Variants in SPACA7 observed in about 807,000 individuals in gnomAD.
SPACA7 encodes sperm acrosome-associated protein 7.
A neutral mutation model predicts 26.3 loss-of-function variants in SPACA7; 19 were observed. The ratio of observed to expected loss-of-function variants is 0.72; its 90% CI spans 0.50 to 1.06. The LOEUF (loss-of-function observed/expected upper bound fraction) is 1.06. Ranked by LOEUF, SPACA7 falls within the 50% of genes least tolerant of loss-of-function variation. The pLI is 0.00. For synonymous variants in SPACA7, 84 were observed against 84.5 expected, an observed-to-expected ratio of 0.99 and a Z score of 0.04; for missense variants, 211 against 229.9, an observed-to-expected ratio of 0.92 and a Z score of 0.53.
intron 5 of SPACA7, among the ~76,000 whole-genome samples, chr13:112,421,484 T>C (rs969256012): frequency 6.6e-6 from 1 of 152,054 alleles, no homozygotes; most frequent in Non-Finnish European, 1.5e-5. Flanking sequence ...GAAAAAGAAA[T>C]AAAGAACAGA....
chr13:112,432,083 C>T (rs1338642009), intron 5 of SPACA7, among the ~76,000 whole-genome samples: 2 of 152,208 alleles, frequency 1.3e-5, no homozygotes. Flanking sequence ...GTCAGATCCA[C>T]AGAAGGGAGC....
chr13:112,377,353 T>C (rs1254432699), intron 1 of SPACA7, among the ~76,000 whole-genome samples: 1 of 152,224 alleles, frequency 6.6e-6, no homozygotes, highest in African/African-American at 2.4e-5. Flanking sequence ...TGAAGACCTT[T>C]TAAAATCTAG....
chr13:112,383,907 A>T (rs373308606), intron 1 of SPACA7, among the ~76,000 whole-genome samples: 13 of 152,368 alleles, frequency 8.5e-5, no homozygotes, highest in African/African-American at 3.1e-4. Context: ...TACTGCCATA[A>T]ATTGAGAATA....
chr13:112,423,653 G>A (rs1307310852), intron 5 of SPACA7, among the ~76,000 whole-genome samples: 1 of 152,188 alleles, frequency 6.6e-6, no homozygotes, highest in Non-Finnish European at 1.5e-5. Flanking sequence ...TTGAAGGAAT[G>A]ATTATCAAGG....
chr13:112,383,173 GAAA>G, intron 1 of SPACA7, among the ~76,000 whole-genome samples: 1 of 114,090 alleles, frequency 8.8e-6, no homozygotes, highest in African/African-American at 3.6e-5. Context: ...AAGAAAGAAA[GAAA>G]GAAAGAAAGA....
rs143043647 is a variant in SPACA7, at chr13:112,389,681, A to G, written c.95-3340A>G. On this transcript the variant is annotated intron_variant, in intron 1 of 6. Coordinates refer to ENST00000283550, the MANE Select transcript of SPACA7 (RefSeq NM_145248.5). ...TATCACATATATGTAACATAGGTAC[A>G]TACACATACAGACAGACACATGAAA... 2.8e-3 allele frequency among the ~76,000 whole-genome samples: 427 copies of G among 152,376 alleles called. 1 individual carries two copies. Among genetic ancestry groups the G allele is most frequent in the African/African-American group, 9.9e-3 (410 of 41,594 alleles).
chr13:112,401,006 A>G, intron 4 of SPACA7, 63 bp from the exon 5 acceptor site: 1 of 1,176,722 alleles, frequency 8.5e-7, no homozygotes, highest in Non-Finnish European at 1.3e-6. Flanking sequence ...ATAAATGACC[A>G]AAGTGCTTAT....
intron 5 of SPACA7, among the ~76,000 whole-genome samples, chr13:112,401,845 A>G (rs1250031979): frequency 1.3e-5 from 2 of 152,154 alleles, no homozygotes; most frequent in African/African-American, 2.4e-5. Context: ...TTAAAAGTCC[A>G]TCTTTGTCCC....
intron 5 of SPACA7, among the ~76,000 whole-genome samples, chr13:112,424,185 A>G (rs1429704784): frequency 6.6e-6 from 1 of 152,234 alleles, no homozygotes; most frequent in Non-Finnish European, 1.5e-5. Context: ...GCATGTGACC[A>G]GCACTGCTCT....
At chr13:112,409,916 C>G (rs553614142) in intron 5 of SPACA7, among the ~76,000 whole-genome samples, 2 of 152,242 alleles carry the variant, frequency 1.3e-5, no homozygotes, top group African/African-American at 4.8e-5. Flanking sequence ...TGCATGCACA[C>G]GTATGTTTAT....
intron 5 of SPACA7, among the ~76,000 whole-genome samples, chr13:112,431,884 T>C (rs1877174627): frequency 6.6e-6 from 1 of 152,010 alleles, no homozygotes; most frequent in African/African-American, 2.4e-5. Flanking sequence ...CTGGGGCCGG[T>C]TTGGGGGGAC....
At position 112,432,446 on chromosome 13, in the gene SPACA7, A is replaced by C. The variant is rs924290243; in HGVS notation, c.448A>C (p.Lys150Gln). The C allele has an allele frequency of 3.1e-6, 5 of 1,605,628 alleles. No homozygotes were observed. The African/African-American group carries it at 5.3e-5, about 17-fold the overall frequency. Residue 150 changes from lysine (K) to glutamine (Q), a missense_variant and splice_region_variant, in exon 6 of 7, where the codon AAG becomes CAG. Physicochemically the swap from Lys to Gln is moderately conservative, Grantham distance 53. Coordinates refer to ENST00000283550, the MANE Select transcript of SPACA7 (RefSeq NM_145248.5). ...TGTACTTATTGTTTTCCCCACAGAA[A>C]AGAATTCAAAGAACACTCAGTATGA... Reference protein sequence around the residue: ...GSEKSVSSKEKNSKNTQYENL... With the variant: ...GSEKSVSSKEQNSKNTQYENL...
chr13:112,421,805 T>C (rs1179801386), intron 5 of SPACA7, among the ~76,000 whole-genome samples: 1 of 152,214 alleles, frequency 6.6e-6, no homozygotes, highest in Non-Finnish European at 1.5e-5. Context: ...TTATGTCCTT[T>C]GCAGGGACAT....
At chr13:112,410,612 C>T (rs1536676) in intron 5 of SPACA7, among the ~76,000 whole-genome samples, 39,351 of 151,718 alleles carry the variant, frequency 0.26, 5,506 homozygotes, top group South Asian at 0.38. Context: ...ACTTATATGA[C>T]GCACCTGAGT....
At chr13:112,433,611 G>A (rs537335459) in intron 6 of SPACA7, among the ~76,000 whole-genome samples, 3 of 150,000 alleles carry the variant, frequency 2.0e-5, no homozygotes, top group South Asian at 2.1e-4. Flanking sequence ...GGACGGTCCC[G>A]GGAAACGTCG....
chr13:112,376,524 G>T (rs769370720), intron 1 of SPACA7, 45 bp downstream of exon 1: 91 of 1,581,538 alleles, frequency 5.8e-5, no homozygotes, highest in Non-Finnish European at 7.5e-5. Context: ...AACTGAACCA[G>T]GTGGGGAGCG....
chr13:112,382,257 G>C, intron 1 of SPACA7: 1 of 572,798 alleles, frequency 1.7e-6, no homozygotes, highest in Non-Finnish European at 2.9e-6. Flanking sequence ...TTGTTGTTTT[G>C]TTTTGTTTTG....
chr13:112,414,523 G>T (rs1158901998), intron 5 of SPACA7, among the ~76,000 whole-genome samples: 1 of 143,296 alleles, frequency 7.0e-6, no homozygotes, highest in Non-Finnish European at 1.5e-5. Flanking sequence ...CAGTTCTCCT[G>T]CCTCAGCCTC....
chr13:112,424,143 A>G (rs1876284926), intron 5 of SPACA7, among the ~76,000 whole-genome samples: 1 of 152,216 alleles, frequency 6.6e-6, no homozygotes, highest in Non-Finnish European at 1.5e-5. Flanking sequence ...CCCTGGGTGA[A>G]GCGGAGCAGC....
Sources: gnomAD v4.1 joint callset for allele counts (sites outside exome capture counted in the v4.1 genomes callset) on GRCh38, gnomAD v4.1.1 for gene constraint, MANE v1.5 for transcripts, NCBI Gene and HGNC (gene_info 2026-07-23, HGNC 2026-07-21) for gene names.